The following RALYL variants were observed in gnomAD, a reference collection of about 807,000 sequenced individuals.
RALYL encodes RNA-binding Raly-like protein.
A neutral mutation model predicts 35.1 loss-of-function variants in RALYL; 29 were observed. The ratio of observed to expected loss-of-function variants is 0.83; its 90% confidence interval spans 0.61 to 1.13. The LOEUF (loss-of-function observed/expected upper bound fraction) is 1.13. Among genes scored for constraint, RALYL ranks in the 50% most tolerant of loss-of-function variants. The probability of loss-of-function intolerance (pLI) is 0.00; values close to 1 mark genes in which losing one functional copy is unlikely to be tolerated. For synonymous variants in RALYL, 120 were observed against 127.6 expected, an observed-to-expected ratio of 0.94 and a Z score of 0.40; for missense variants, 359 against 360.4, an observed-to-expected ratio of 1.00 and a Z score of 0.03.
intron 2 of RALYL, among the ~76,000 whole-genome samples, chr8:84,768,054 C>T (rs2718963): frequency 0.27 from 40,819 of 152,078 alleles, 5,881 homozygotes; most frequent in African/African-American, 0.35. Flanking sequence ...CTTTTTGTGT[C>T]TCATGTTTTA....
intron 1 of RALYL, among the ~76,000 whole-genome samples, chr8:84,336,216 T>C (rs1024919694): frequency 6.6e-6 from 1 of 152,158 alleles, no homozygotes; most frequent in African/African-American, 2.4e-5. Flanking sequence ...TTTAACCTTA[T>C]GGACACTGAA....
chr8:84,292,781 C>A (rs752220597), intron 1 of RALYL, among the ~76,000 whole-genome samples: 1 of 152,144 alleles, frequency 6.6e-6, no homozygotes. Flanking sequence ...TTTAGCATAT[C>A]ATCAATAAAT....
At chr8:84,389,019 A>G (rs1859942725) in intron 1 of RALYL, among the ~76,000 whole-genome samples, 1 of 152,158 alleles carries the variant, frequency 6.6e-6, no homozygotes, top group African/African-American at 2.4e-5. Flanking sequence ...TGATTTTTGT[A>G]TAAGATGTAA....
At chr8:84,194,719 A>G (rs1814792057) in intron 1 of RALYL, among the ~76,000 whole-genome samples, 1 of 152,144 alleles carries the variant, frequency 6.6e-6, no homozygotes, top group South Asian at 2.1e-4. Context: ...CTATTTATGA[A>G]TCAACATTCT....
intron 2 of RALYL, among the ~76,000 whole-genome samples, chr8:84,564,670 A>G (rs1416831207): frequency 6.6e-6 from 1 of 151,560 alleles, no homozygotes; most frequent in African/African-American, 2.4e-5. Flanking sequence ...AAGAGTAGTG[A>G]TTTTACAGAC....
At chr8:84,798,474 T>C (rs1172846407) in intron 3 of RALYL, among the ~76,000 whole-genome samples, 2 of 152,218 alleles carry the variant, frequency 1.3e-5, no homozygotes, top group African/African-American at 4.8e-5. Context: ...ATTATTTCCA[T>C]TTTGCAAATG....
chr8:84,678,681 C>G (rs1834734072), intron 2 of RALYL: 1 of 152,188 alleles, frequency 6.6e-6, no homozygotes, highest in African/African-American at 2.4e-5. Flanking sequence ...TCTTGAGTCT[C>G]TTTATTACTT....
chr8:84,784,832 T>A (rs1819003000), intron 3 of RALYL, among the ~76,000 whole-genome samples: 1 of 152,218 alleles, frequency 6.6e-6, no homozygotes, highest in Non-Finnish European at 1.5e-5. Flanking sequence ...CAGTTGGCTA[T>A]GCATGATGAA....
intron 1 of RALYL, among the ~76,000 whole-genome samples, chr8:84,258,467 CT>C (rs1220457742): frequency 6.6e-6 from 1 of 151,832 alleles, no homozygotes; most frequent in Non-Finnish European, 1.5e-5. Flanking sequence ...ACTAGGTGTT[CT>C]TTTGATTACT....
chr8:84,253,180 T>TG (rs1485525732), intron 1 of RALYL, among the ~76,000 whole-genome samples: 1 of 109,292 alleles, frequency 9.1e-6, no homozygotes, highest in African/African-American at 3.7e-5. Flanking sequence ...TCTGCAGTTT[T>TG]TTTTTTTTTT....
Position 84,822,920 on chromosome 8 carries a change from A to G in RALYL, c.365+18118A>G, listed in dbSNP as rs1483711736. Among the ~76,000 whole-genome samples the G allele has an allele frequency of 2.0e-5, 3 of 152,096 alleles. No individual in the cohort carries two copies. In the East Asian group the frequency reaches 5.8e-4, roughly 29 times the overall value. ...TATCAATTCAGTTATATTTAGATAA[A>G]ATTTATTCAGTGCAAAATTCCATTT... is the stretch of plus-strand genomic sequence containing the variant. On this transcript the variant is annotated intron_variant, in intron 4 of 8. Coordinates refer to ENST00000521268, the MANE Select transcript of RALYL (RefSeq NM_173848.7).
chr8:84,417,397 G>T lies in RALYL; in HGVS notation c.-23-111902G>T, dbSNP rs527517520. On this transcript the variant is annotated intron_variant, in intron 1 of 8. Coordinates refer to ENST00000521268, the MANE Select transcript of RALYL (RefSeq NM_173848.7). ...CAGAATCCTCAGTATTTGGCAGAGGGAAAGAAGATACTGGGGAAAAGAGCA... is the reference window on the plus strand; with the variant it reads ...CAGAATCCTCAGTATTTGGCAGAGGTAAAGAAGATACTGGGGAAAAGAGCA... Among the ~76,000 whole-genome samples the T allele has an allele frequency of 5.3e-5, 8 of 152,240 alleles. 1 individual carries two copies.
At chr8:84,394,571 T>C (rs1471559773) in intron 1 of RALYL, among the ~76,000 whole-genome samples, 1 of 152,022 alleles carries the variant, frequency 6.6e-6, no homozygotes, top group Non-Finnish European at 1.5e-5. Context: ...ACTCCTTATC[T>C]CTATTATTGC....
intron 5 of RALYL, among the ~76,000 whole-genome samples, chr8:84,857,616 G>A (rs939365062): frequency 5.3e-5 from 8 of 152,136 alleles, no homozygotes; most frequent in African/African-American, 1.4e-4. Context: ...TTATTAGAAT[G>A]TGGTGTATCT....
At chr8:84,311,040 C>T (rs1428565890) in intron 1 of RALYL, among the ~76,000 whole-genome samples, 23 of 71,540 alleles carry the variant, frequency 3.2e-4, no homozygotes, top group Admixed American at 1.8e-3. Context: ...GGCGACAGAG[C>T]GAGACTCCGT....
intron 3 of RALYL, among the ~76,000 whole-genome samples, chr8:84,793,129 T>A (rs1217461512): frequency 1.3e-5 from 2 of 152,102 alleles, no homozygotes; most frequent in Non-Finnish European, 2.9e-5. Context: ...AGGGGAGAGA[T>A]CTGGACTGAA....
At chr8:84,636,467 C>T (rs965042102) in intron 2 of RALYL, among the ~76,000 whole-genome samples, 1 of 151,718 alleles carries the variant, frequency 6.6e-6, no homozygotes, top group East Asian at 1.9e-4. Flanking sequence ...ATAAAAGTAT[C>T]CAAAAGCAAC....
intron 2 of RALYL, among the ~76,000 whole-genome samples, chr8:84,615,592 T>C (rs1214649915): frequency 1.4e-5 from 2 of 142,250 alleles, no homozygotes; most frequent in Non-Finnish European, 1.5e-5. Flanking sequence ...TTTTTTTTTT[T>C]TTTTTTTTAC....
chr8:84,855,257 A>G (rs1008811080), intron 5 of RALYL, among the ~76,000 whole-genome samples: 6 of 152,152 alleles, frequency 3.9e-5, no homozygotes, highest in African/African-American at 1.4e-4. Context: ...AGAGTTCCAA[A>G]CCCATCATCT....
Sources: allele counts gnomAD v4.1 joint callset (sites outside exome capture counted in the v4.1 genomes callset), GRCh38; gene constraint gnomAD v4.1.1; transcripts MANE v1.5; gene names NCBI Gene and HGNC (gene_info 2026-07-23, HGNC 2026-07-21).